The following CD109 variants were observed in gnomAD, a reference collection of about 807,000 sequenced individuals.
The protein encoded by CD109 is CD109 molecule, also known as CD109 antigen.
In CD109, 149 loss-of-function variants were observed where a neutral mutation model predicts 165.8. The ratio of observed to expected loss-of-function variants is 0.90; its 90% CI spans 0.79 to 1.03. The LOEUF is 1.03. Among genes scored for constraint, CD109 ranks in the 50% least tolerant of loss-of-function variants. The pLI is 0.00. For missense variants in CD109, 1,712 were observed against 1,677.8 expected, an observed-to-expected ratio of 1.02 and a Z score of -0.36; for synonymous variants, 585 against 592.1, an observed-to-expected ratio of 0.99 and a Z score of 0.18.
chr6:73,764,457 T>C (rs930578773), intron 10 of CD109, among the ~76,000 whole-genome samples: 3 of 152,332 alleles, frequency 2.0e-5, no homozygotes, highest in Admixed American at 2.0e-4. Flanking sequence ...AGTAAAACTT[T>C]GTTTACAAAC....
the CD109 span, among the ~76,000 whole-genome samples, chr6:73,687,681 G>A: frequency 6.6e-6 from 1 of 152,128 alleles, no homozygotes; most frequent in African/African-American, 2.4e-5. Flanking sequence ...AAAAGGTGGA[G>A]TATTCTACCC....
chr6:73,741,239 GAC>G (rs1180238818), intron 5 of CD109, among the ~76,000 whole-genome samples: 1 of 152,142 alleles, frequency 6.6e-6, no homozygotes, highest in African/African-American at 2.4e-5. Context: ...GTGCTTAATT[GAC>G]ACACATATTC....
chr6:73,791,174 TATACAC>T (rs1774937757), intron 22 of CD109, among the ~76,000 whole-genome samples: 1 of 30,724 alleles, frequency 3.3e-5, no homozygotes, highest in Non-Finnish European at 6.0e-5. Flanking sequence ...TATATATATA[TATACAC>T]ACACACACAT....
At chr6:73,795,314 A>G (rs976634018) in intron 23 of CD109, among the ~76,000 whole-genome samples, 6 of 151,738 alleles carry the variant, frequency 4.0e-5, no homozygotes, top group African/African-American at 1.2e-4. Flanking sequence ...AACAGAAAGC[A>G]TAAATTTTAC....
In CD109 at chr6:73,824,636, T is replaced by G. The variant is rs566492256; in HGVS notation, c.*1003T>G. Reference sequence around the variant, plus strand: ...TGGCCAGGGATCCTGTGGAACCTCTTCTAGTTCAGGGGTGTGAGCATTAGA... The same window carrying G: ...TGGCCAGGGATCCTGTGGAACCTCTGCTAGTTCAGGGGTGTGAGCATTAGA... On this transcript the variant is annotated 3_prime_UTR_variant, in exon 33 of 33. Coordinates refer to ENST00000287097, the MANE Select transcript of CD109 (RefSeq NM_133493.5). 9.2e-5 allele frequency: 14 copies of G among 152,282 alleles called. No homozygotes were observed. The highest frequency in any genetic ancestry group is 3.4e-4 in the African/African-American group (14 of 41,560). 9.4% of individuals were successfully genotyped at this position (152,282 alleles called of 1,614,324 possible). A position where few individuals can be genotyped will look rare whatever the true frequency, so the allele number is the denominator to read the frequency against.
At chr6:73,766,258 G>A (rs1473219399) in intron 11 of CD109, 104 bp downstream of exon 11, 1 of 851,852 alleles carries the variant, frequency 1.2e-6, no homozygotes, top group African/African-American at 1.7e-5. Flanking sequence ...ATAGGAAGTG[G>A]ACACATGTTT....
chr6:73,728,247 A>G (rs1265496932), intron 3 of CD109, among the ~76,000 whole-genome samples: 1 of 152,042 alleles, frequency 6.6e-6, no homozygotes, highest in Non-Finnish European at 1.5e-5. Flanking sequence ...CTTGAACCCA[A>G]GAGGTGGGGT....
At chr6:73,679,628 GT>G in the CD109 span, among the ~76,000 whole-genome samples, 112 of 149,630 alleles carry the variant, frequency 7.5e-4, no homozygotes, top group African/African-American at 2.7e-3. Context: ...TTTCTTTTCT[GT>G]TTTTTTTTGT....
chr6:73,815,548 T>C (rs1204592107), intron 30 of CD109, among the ~76,000 whole-genome samples: 4 of 152,182 alleles, frequency 2.6e-5, no homozygotes, highest in Non-Finnish European at 5.9e-5. Context: ...AACATGCAAA[T>C]TCAATCAAGA....
At position 73,703,982 on chromosome 6, in the gene CD109, C is replaced by T. The variant is rs141895107; in HGVS notation, c.247+6410C>T. Among the ~76,000 whole-genome samples, 45 of 152,138 alleles carry T rather than the reference C, an allele frequency of 3.0e-4. 1 individual carries two copies. In the East Asian group the frequency reaches 8.3e-3, roughly 28 times the overall value. The stretch of plus-strand genomic sequence containing the variant: ...GGTGGATCACTTGAGGCCAGAAGTT[C>T]GAGACCAGCCTGGCCAACATGGTGA... On this transcript the variant is annotated intron_variant, in intron 2 of 32. Coordinates refer to ENST00000287097, the MANE Select transcript of CD109 (RefSeq NM_133493.5).
intron 23 of CD109, among the ~76,000 whole-genome samples, chr6:73,801,239 G>C (rs1775350926): frequency 6.6e-6 from 1 of 152,316 alleles, no homozygotes; most frequent in Non-Finnish European, 1.5e-5. Flanking sequence ...CATGGTATCT[G>C]TATCCGCTGA....
chr6:73,819,728 A>G (rs548440232), intron 31 of CD109, among the ~76,000 whole-genome samples: 3 of 152,348 alleles, frequency 2.0e-5, no homozygotes, highest in African/African-American at 7.2e-5. Context: ...TACATTAAGC[A>G]CTGCTCAAAA....
intron 23 of CD109, among the ~76,000 whole-genome samples, chr6:73,794,977 A>G (rs1399017756): frequency 6.6e-6 from 1 of 151,546 alleles, no homozygotes; most frequent in Non-Finnish European, 1.5e-5. Context: ...TCTGTGGTAT[A>G]TTGTGTGCCA....
chr6:73,779,037 C>T (rs1477145086), intron 15 of CD109, among the ~76,000 whole-genome samples: 2 of 152,116 alleles, frequency 1.3e-5, no homozygotes, highest in Admixed American at 6.5e-5. Context: ...ATTTTCATGG[C>T]TCCAGACAGA....
At chr6:73,762,311 G>A in intron 7 of CD109, 73 bp from the exon 8 acceptor site, 1 of 969,426 alleles carries the variant, frequency 1.0e-6, no homozygotes, top group Non-Finnish European at 1.6e-6. Flanking sequence ...GTATGCTATT[G>A]AAAGTAGTAT....
intron 2 of CD109, among the ~76,000 whole-genome samples, chr6:73,714,852 A>T (rs77182302): frequency 0.028 from 4,318 of 152,340 alleles, 107 homozygotes; most frequent in Middle Eastern, 0.058. Context: ...GTTCAAGATG[A>T]TTGAGATTTT....
chr6:73,785,429 AT>A lies in CD109; in HGVS notation c.2292del (p.Phe764LeufsTer5). On this transcript the variant is annotated frameshift_variant, in exon 20 of 33. Transcript: ENST00000287097. LOFTEE classifies it high-confidence loss of function. Reference sequence around the variant, plus strand: ...CCTACTCTGTTATCAGAGGTGAAGAATTTGCTTTGGAAATAACTATATTCAA... The same window carrying A: ...CCTACTCTGTTATCAGAGGTGAAGAATTGCTTTGGAAATAACTATATTCAA... The part of the protein sequence containing the change: ...LPYSVIRGEE[F>X]ALEITIFNYL... 1 of 1,607,094 alleles carries A rather than the reference AT, an allele frequency of 6.2e-7. No individual in the cohort carries two copies. The highest frequency in any genetic ancestry group is 8.5e-7 in the Non-Finnish European group (1 of 1,176,892).
At position 73,791,556 on chromosome 6, in the gene CD109, TGTC is replaced by T. The variant is rs200359379; in HGVS notation, c.2702-1066_2702-1064del. ...CTCCTTACACAGGAACGATTCTGTC[TGTC>T]GTCATGGAAATACCCCGAGGCTTAA... On this transcript the variant is annotated intron_variant, in intron 22 of 32. Coordinates refer to ENST00000287097, the MANE Select transcript of CD109 (RefSeq NM_133493.5). Among the ~76,000 whole-genome samples the T allele has an allele frequency of 6.4e-3, 939 of 145,994 alleles. 14 individuals are homozygous for T. The highest frequency in any genetic ancestry group is 0.025 in the African/African-American group (879 of 35,650).
chr6:73,801,007 A>G (rs1171042618), intron 23 of CD109, among the ~76,000 whole-genome samples: 3 of 152,164 alleles, frequency 2.0e-5, no homozygotes, highest in Non-Finnish European at 4.4e-5. Context: ...ATTTTATTGC[A>G]TCTGGTGCTT....
Sources: allele counts gnomAD v4.1 joint callset (sites outside exome capture counted in the v4.1 genomes callset), GRCh38; gene constraint gnomAD v4.1.1; transcripts MANE v1.5; gene names NCBI Gene and HGNC (gene_info 2026-07-23, HGNC 2026-07-21).